HERC4: variants seen among roughly 807,000 people sequenced by gnomAD.
HERC4 encodes the protein probable E3 ubiquitin-protein ligase HERC4.
Under a neutral mutation model 124.3 loss-of-function variants are expected in HERC4, and 28 were observed. The observed-to-expected ratio is 0.23, with a 90% CI of 0.17 to 0.31. HERC4 has a LOEUF of 0.31. Among genes scored for constraint, HERC4 ranks in the 10% least tolerant of loss-of-function variants. The probability of loss-of-function intolerance (pLI) is 1.00; values close to 1 mark genes in which losing one functional copy is unlikely to be tolerated. For missense variants in HERC4, 713 were observed against 1,229.3 expected (o/e 0.58, Z 6.28); for synonymous variants, 407 against 421.5 (o/e 0.97, Z 0.42).
intron 20 of HERC4, 31 bp downstream of exon 20, chr10:67,940,908 T>C (rs1209324885): frequency 2.5e-6 from 4 of 1,593,376 alleles, no homozygotes; most frequent in Non-Finnish European, 3.4e-6. Flanking sequence ...TCCCAAACCC[T>C]ACTACTTTTT....
intron 15 of HERC4, among the ~76,000 whole-genome samples, chr10:67,976,103 T>C (rs1018862898): frequency 1.2e-4 from 18 of 151,900 alleles, no homozygotes; most frequent in Admixed American, 4.6e-4. Context: ...CACAGTGGAG[T>C]TGAGAGTTGA....
intron 19 of HERC4, among the ~76,000 whole-genome samples, chr10:67,942,232 T>C (rs1161176494): frequency 6.6e-6 from 1 of 152,342 alleles, no homozygotes; most frequent in East Asian, 1.9e-4. Flanking sequence ...AAGGTAAATA[T>C]AGTATTTATC....
chr10:67,957,819 T>C (rs188723203), intron 16 of HERC4, among the ~76,000 whole-genome samples: 84 of 152,260 alleles, frequency 5.5e-4, no homozygotes, highest in African/African-American at 1.9e-3. Flanking sequence ...TGCATTTTTT[T>C]TTCCCCCATA....
Position 68,044,354 on chromosome 10 carries a change from A to C in HERC4, c.386+50T>G, listed in dbSNP as rs762864637. Reference sequence around the variant, plus strand: ...ATAAGCAGAACAATTTAGATTAACAAATTTATTTTAAAAGATTGTTAAGGA... The same window carrying C: ...ATAAGCAGAACAATTTAGATTAACACATTTATTTTAAAAGATTGTTAAGGA... On this transcript the variant is annotated intron_variant, in intron 4 of 24. Transcript: ENST00000373700. The C allele has an allele frequency of 2.6e-6, 4 of 1,553,266 alleles. No individual in the cohort carries two copies. The African/African-American group carries it at 5.5e-5, about 22-fold the overall frequency.
chr10:67,926,979 C>G (rs2031055179), intron 23 of HERC4, among the ~76,000 whole-genome samples: 2 of 152,162 alleles, frequency 1.3e-5, no homozygotes, highest in Non-Finnish European at 2.9e-5. Context: ...ATCCGGCACA[C>G]AGTAGAGGCT....
intron 13 of HERC4, 53 bp from the exon 14 acceptor site, chr10:67,990,453 A>AAAC: frequency 3.9e-5 from 39 of 989,888 alleles, no homozygotes; most frequent in Non-Finnish European, 4.1e-5. Flanking sequence ...ATACACTTTC[A>AAAC]AAGAAAAAAA....
At chr10:67,994,334 C>T (rs1378234427) in intron 9 of HERC4, 2 of 152,180 alleles carry the variant, frequency 1.3e-5, no homozygotes, top group Non-Finnish European at 1.5e-5. Context: ...AAACAATTCC[C>T]TACAAGATGG....
intron 9 of HERC4, chr10:67,996,066 G>GAAGCC (rs2036857599): frequency 2.4e-6 from 1 of 417,650 alleles, no homozygotes; most frequent in Non-Finnish European, 4.7e-6. Context: ...AGCACTTTGG[G>GAAGCC]AAGCCAAGGT....
At position 68,034,646 on chromosome 10, in the gene HERC4, T is replaced by C. The variant is rs549899416; in HGVS notation, c.464-460A>G. 2.0e-5 allele frequency among the ~76,000 whole-genome samples: 3 copies of C among 152,280 alleles called. No individual in the cohort carries two copies. In the East Asian group the frequency reaches 5.8e-4, roughly 29 times the overall value. On this transcript the variant is annotated intron_variant, in intron 5 of 24. Transcript: ENST00000373700. Reference sequence around the variant, plus strand: ...ACATAACCCATTGTTTACCTGACACTATACTTGGAAATTTCAAAGGAACTT... The same window carrying C: ...ACATAACCCATTGTTTACCTGACACCATACTTGGAAATTTCAAAGGAACTT...
At chr10:67,989,067 G>A (rs149036236) in intron 14 of HERC4, among the ~76,000 whole-genome samples, 1 of 151,946 alleles carries the variant, frequency 6.6e-6, no homozygotes, top group Non-Finnish European at 1.5e-5. Flanking sequence ...AAGTGTGAAA[G>A]TCTTGTTGAA....
intron 15 of HERC4, among the ~76,000 whole-genome samples, chr10:67,987,074 C>A (rs914967383): frequency 6.6e-6 from 1 of 152,090 alleles, no homozygotes; most frequent in Admixed American, 6.5e-5. Context: ...GGTTAGCAAG[C>A]AATAAATTTT....
intron 7 of HERC4, among the ~76,000 whole-genome samples, chr10:68,030,296 C>T (rs1474591001): frequency 6.6e-6 from 1 of 151,736 alleles, no homozygotes; most frequent in Non-Finnish European, 1.5e-5. Flanking sequence ...CAAAAAATAG[C>T]CGGGTGTGAT....
intron 9 of HERC4, among the ~76,000 whole-genome samples, chr10:68,009,554 G>T (rs1390286409): frequency 6.6e-6 from 1 of 152,142 alleles, no homozygotes; most frequent in Non-Finnish European, 1.5e-5. Flanking sequence ...TTTTGTTGAT[G>T]GAGAGTCTCG....
chr10:68,059,651 ATATATCATATTATATATTATAT>A (rs2040809701), intron 3 of HERC4, among the ~76,000 whole-genome samples: 4 of 69,732 alleles, frequency 5.7e-5, no homozygotes, highest in South Asian at 4.2e-4. Context: ...ATATTATATT[ATATATCATATTATATATTATAT>A]TATATATCAT....
Position 68,073,121 on chromosome 10 carries a change from T to C in HERC4, c.-13A>G, listed in dbSNP as rs1464429831. 1 of 1,603,702 alleles carries C rather than the reference T, an allele frequency of 6.2e-7. No individual in the cohort carries two copies. The highest frequency in any genetic ancestry group is 2.2e-5 in the East Asian group (1 of 44,700). On this transcript the variant is annotated 5_prime_UTR_variant, in exon 3 of 25. Transcript: ENST00000373700. ...CCCAGCACAACATGCTTGTAATTAT[T>C]TTGGTCTTCCAGTTTCAATAAAAAA...
chr10:68,054,583 A>AC (rs2040464425), intron 3 of HERC4, among the ~76,000 whole-genome samples: 1 of 152,102 alleles, frequency 6.6e-6, no homozygotes, highest in Non-Finnish European at 1.5e-5. Context: ...ACCTCAAGTG[A>AC]TCCACCCACC....
Position 67,932,691 on chromosome 10 carries a change from A to C in HERC4, c.2744T>G (p.Val915Gly). Residue 915 changes from valine to glycine, a missense_variant, in exon 23 of 25, where the codon GTC becomes GGC. Physicochemically the swap from Val to Gly is moderately radical, Grantham distance 109. Transcript: ENST00000373700. Reference sequence around the variant, plus strand: ...GAGCAGAAGGACTTTTCCTCCACAGACCTTATGAAAGCCCGCATGAAAAGC... The same window carrying C: ...GAGCAGAAGGACTTTTCCTCCACAGCCCTTATGAAAGCCCGCATGAAAAGC... ...FDAFHAGFHK[V>G]CGGKVLLLFQ... 1 of 1,604,724 alleles carries C rather than the reference A, an allele frequency of 6.2e-7. No homozygotes were observed. The highest frequency in any genetic ancestry group is 8.5e-7 in the Non-Finnish European group (1 of 1,177,974).
Position 68,014,045 on chromosome 10 carries a change from C to T in HERC4, c.1050G>A (p.Gly350=), listed in dbSNP as rs763401280. The T allele has an allele frequency of 3.1e-6, 5 of 1,609,576 alleles. No homozygotes were observed. The highest frequency in any genetic ancestry group is 3.4e-6 in the Non-Finnish European group (4 of 1,178,338). The change falls in exon 9 of 25, where the codon GGG becomes GGA. Residue 350 remains glycine (G), a synonymous_variant. Coordinates refer to ENST00000373700, the MANE Select transcript of HERC4 (RefSeq NM_015601.4). The stretch of plus-strand genomic sequence containing the variant: ...ACTTACCAATATCTGGTAGACACTG[C>T]CCATTATAGGGGTACCAATTTCCTT... ...TVKGNWYPYN[G]QCLPDIDSEE...
intron 8 of HERC4, among the ~76,000 whole-genome samples, chr10:68,019,236 T>A (rs1380813731): frequency 1.3e-5 from 2 of 152,062 alleles, no homozygotes; most frequent in African/African-American, 4.8e-5. Context: ...CCTCAGGTGA[T>A]CCACCCGCCT....
Sources: allele counts gnomAD v4.1 joint callset (sites outside exome capture counted in the v4.1 genomes callset), GRCh38; gene constraint gnomAD v4.1.1; transcripts MANE v1.5; gene names NCBI Gene and HGNC (gene_info 2026-07-23, HGNC 2026-07-21).